Variants in SOX5 observed in about 807,000 individuals in gnomAD.
SOX5 encodes the protein SRY-box transcription factor 5, also known as transcription factor SOX-5.
SOX5 carries 9 observed loss-of-function variants against 92.0 expected under a neutral mutation model. That is an observed-to-expected ratio of 0.10 (90% CI 0.06 to 0.17). The LOEUF is 0.17. Among genes scored for constraint, SOX5 ranks in the 10% least tolerant of loss-of-function variants. The probability of loss-of-function intolerance (pLI) is 1.00; values close to 1 mark genes in which losing one functional copy is unlikely to be tolerated. For missense variants in SOX5, 642 were observed against 944.5 expected, an observed-to-expected ratio of 0.68 and a Z score of 4.20; for synonymous variants, 344 against 336.3, an observed-to-expected ratio of 1.02 and a Z score of -0.25.
At chr12:23,750,089 A>C (rs1296555703) in intron 4 of SOX5, among the ~76,000 whole-genome samples, 2 of 151,864 alleles carry the variant, frequency 1.3e-5, no homozygotes, top group Admixed American at 6.6e-5. Context: ...GATTCTAGAG[A>C]TCACCCAGTC....
At chr12:24,054,141 T>G (rs1479778230) in intron 4 of SOX5, among the ~76,000 whole-genome samples, 1 of 152,226 alleles carries the variant, frequency 6.6e-6, no homozygotes, top group Admixed American at 6.5e-5. Context: ...AATTTGTTCT[T>G]CTAGAGCAGC....
At chr12:23,950,129 G>C (rs1945361427), upstream of SOX5, among the ~76,000 whole-genome samples, 1 of 151,770 alleles carries the variant, frequency 6.6e-6, no homozygotes, top group South Asian at 2.1e-4. Context: ...TATAATAACA[G>C]AAGCTCGATT....
rs191994061 is a variant in SOX5, at chr12:24,149,031, G to A, written c.-2+64312C>T. 7.0e-4 allele frequency among the ~76,000 whole-genome samples: 107 copies of A among 152,156 alleles called. 1 individual carries two copies. The highest frequency in any genetic ancestry group is 2.3e-3 in the African/African-American group (95 of 41,538). On this transcript the variant is annotated intron_variant, in intron 4 of 4. Coordinates refer to the SOX5 transcript ENST00000446891. ...TGTTGGAACAACTGGGTATTCATAA[G>A]GAAAAATAAAAACTTCGATCTCCAC...
intron 1 of SOX5, among the ~76,000 whole-genome samples, chr12:23,937,250 G>A (rs1278411637): frequency 6.6e-6 from 1 of 150,870 alleles, no homozygotes; most frequent in Non-Finnish European, 1.5e-5. Context: ...CTAAGGAACA[G>A]TCTATAATAG....
chr12:23,896,158 A>T (rs1031683388), intron 1 of SOX5, 134 bp from the exon 2 acceptor site: 7 of 634,822 alleles, frequency 1.1e-5, no homozygotes, highest in African/African-American at 1.1e-4. Flanking sequence ...TCCAAATACC[A>T]CTGCAAAGCA....
At chr12:24,019,038 A>G (rs557720270) in intron 4 of SOX5, among the ~76,000 whole-genome samples, 6 of 152,272 alleles carry the variant, frequency 3.9e-5, no homozygotes, top group Admixed American at 1.3e-4. Context: ...CAGTGGCACC[A>G]TCATGGCTCA....
At chr12:23,771,772 C>G (rs1028697480) in intron 3 of SOX5, among the ~76,000 whole-genome samples, 2 of 152,180 alleles carry the variant, frequency 1.3e-5, no homozygotes, top group African/African-American at 2.4e-5. Flanking sequence ...CTTTCACTTT[C>G]TCTCTGCAAG....
chr12:23,677,688 T>C (rs766533052), intron 6 of SOX5, among the ~76,000 whole-genome samples: 3 of 152,218 alleles, frequency 2.0e-5, no homozygotes, highest in Non-Finnish European at 2.9e-5. Flanking sequence ...TGCTTATATT[T>C]CTTTTGTTCA....
At chr12:24,496,801 T>A (rs1947684607) in intron 1 of SOX5, among the ~76,000 whole-genome samples, 1 of 152,198 alleles carries the variant, frequency 6.6e-6, no homozygotes, top group East Asian at 1.9e-4. Flanking sequence ...TTGCTTGAAA[T>A]CAAACTTCTA....
chr12:23,994,641 C>T (rs1950869213), intron 4 of SOX5, among the ~76,000 whole-genome samples: 1 of 152,022 alleles, frequency 6.6e-6, no homozygotes, highest in Non-Finnish European at 1.5e-5. Flanking sequence ...CACACATGAG[C>T]ATGGTGGGGG....
chr12:23,899,906 C>T (rs982167529), intron 1 of SOX5, among the ~76,000 whole-genome samples: 2 of 152,130 alleles, frequency 1.3e-5, no homozygotes, highest in African/African-American at 4.8e-5. Context: ...AAAGACAGTT[C>T]AGTCCGTAGA....
intron 1 of SOX5, among the ~76,000 whole-genome samples, chr12:24,483,212 T>A (rs1254772055): frequency 2.0e-5 from 3 of 152,174 alleles, no homozygotes; most frequent in Non-Finnish European, 4.4e-5. Context: ...AAGAAAACTG[T>A]GTTTTGAAGA....
chr12:23,581,881 A>G (rs1950084293), intron 9 of SOX5, among the ~76,000 whole-genome samples: 2 of 149,754 alleles, frequency 1.3e-5, no homozygotes, highest in Non-Finnish European at 3.0e-5. Flanking sequence ...ACAGCCACAC[A>G]ATGATTGAAA....
intron 6 of SOX5, among the ~76,000 whole-genome samples, chr12:23,685,631 C>G (rs890292973): frequency 7.1e-6 from 1 of 141,806 alleles, no homozygotes; most frequent in African/African-American, 2.6e-5. Flanking sequence ...CTTTTTGTCC[C>G]CCCCCCCAAA....
rs139323766 is a variant in SOX5 at position 24,112,521 on chromosome 12, CTTTTTTTT to C, written c.-2+100814_-2+100821del. Reference sequence around the variant, plus strand: ...GGGATACAGAACAACTTCAAGGTTCCTTTTTTTTTTTTTTTTTTTTTTTTTTTGAGGCA... The same window carrying C: ...GGGATACAGAACAACTTCAAGGTTCCTTTTTTTTTTTTTTTTTTTGAGGCA... On this transcript the variant is annotated intron_variant, in intron 4 of 4. Coordinates refer to the SOX5 transcript ENST00000446891. Among the ~76,000 whole-genome samples, 92 of 75,696 alleles carry C rather than the reference CTTTTTTTT, an allele frequency of 1.2e-3. 1 individual carries two copies. The highest frequency in any genetic ancestry group is 5.4e-3 in the East Asian group (11 of 2,024). 49.7% of individuals were successfully genotyped at this position (75,696 alleles called of 152,430 possible). A position where few individuals can be genotyped will look rare whatever the true frequency, so the allele number is the denominator to read the frequency against.
chr12:24,459,419 T>C (rs950460558), intron 1 of SOX5, among the ~76,000 whole-genome samples: 3 of 152,200 alleles, frequency 2.0e-5, no homozygotes, highest in Non-Finnish European at 4.4e-5. Flanking sequence ...TTTCCACATA[T>C]AACTGGAGTT....
chr12:24,067,567 A>G (rs1291357513), intron 4 of SOX5, among the ~76,000 whole-genome samples: 1 of 152,176 alleles, frequency 6.6e-6, no homozygotes, highest in Non-Finnish European at 1.5e-5. Flanking sequence ...AAGCAAAACG[A>G]GATTATTCTA....
Position 23,579,055 on chromosome 12 carries a change from T to C in SOX5, c.1165-3217A>G, listed in dbSNP as rs907556235. On this transcript the variant is annotated intron_variant, in intron 9 of 14. Transcript: ENST00000451604. ...ACAGAGGAAACACAGTGTGAGTGTATAGTGAGGGGGGAATGGCGGTATTGA... is the reference window on the plus strand; with the variant it reads ...ACAGAGGAAACACAGTGTGAGTGTACAGTGAGGGGGGAATGGCGGTATTGA... Among the ~76,000 whole-genome samples, 3 of 152,094 alleles carry C rather than the reference T, an allele frequency of 2.0e-5. No homozygotes were observed. In the East Asian group the frequency reaches 5.8e-4, roughly 29 times the overall value.
chr12:23,772,867 A>G (rs1199737882), intron 3 of SOX5, among the ~76,000 whole-genome samples: 1 of 152,210 alleles, frequency 6.6e-6, no homozygotes, highest in Non-Finnish European at 1.5e-5. Flanking sequence ...TTAAAAAGTA[A>G]TTTATTGACC....
Sources: allele counts gnomAD v4.1 joint callset (sites outside exome capture counted in the v4.1 genomes callset), GRCh38; gene constraint gnomAD v4.1.1; transcripts MANE v1.5; gene names NCBI Gene and HGNC (gene_info 2026-07-23, HGNC 2026-07-21).